ARHGAP26: variants seen among roughly 807,000 people sequenced by gnomAD.
The protein encoded by ARHGAP26 is rho GTPase-activating protein 26.
In ARHGAP26, 38 loss-of-function variants were observed where a neutral mutation model predicts 104.8. The ratio of observed to expected loss-of-function variants is 0.36; its 90% confidence interval spans 0.28 to 0.48. ARHGAP26 has a LOEUF of 0.48. Among genes scored for constraint, ARHGAP26 ranks in the 20% least tolerant of loss-of-function variants. ARHGAP26 has a pLI of 0.99. For synonymous variants in ARHGAP26, 341 were observed against 340.0 expected (o/e 1.00, Z -0.03); for missense variants, 704 against 947.9 (o/e 0.74, Z 3.38).
Position 143,179,159 on chromosome 5 carries a change from G to A in ARHGAP26, c.1989-28039G>A, listed in dbSNP as rs184186662. On this transcript the variant is annotated intron_variant, in intron 20 of 22. Transcript: ENST00000645722. ...GTTGGGATTACAGGCGTGAGCCACC[G>A]CGCCCAGCCATTTATCATGTATCAT... Among the ~76,000 whole-genome samples, 64 of 152,138 alleles carry A rather than the reference G, an allele frequency of 4.2e-4. 1 individual carries two copies. In the East Asian group the frequency reaches 9.1e-3, roughly 22 times the overall value.
chr5:142,893,682 C>T (rs1035307483), intron 5 of ARHGAP26, among the ~76,000 whole-genome samples: 2 of 152,222 alleles, frequency 1.3e-5, no homozygotes, highest in Non-Finnish European at 2.9e-5. Flanking sequence ...ATACTGTTCT[C>T]CATAATAGTT....
chr5:142,824,617 A>G (rs1359023421), intron 1 of ARHGAP26, among the ~76,000 whole-genome samples: 2 of 152,192 alleles, frequency 1.3e-5, no homozygotes, highest in African/African-American at 4.8e-5. Context: ...GGTTGATTAC[A>G]CAGCCAGCAA....
At chr5:142,970,747 TGG>T in intron 11 of ARHGAP26, among the ~76,000 whole-genome samples, 1 of 152,132 alleles carries the variant, frequency 6.6e-6, no homozygotes, top group East Asian at 1.9e-4. Flanking sequence ...GGAATGGATG[TGG>T]GGCAAGTAGA....
Position 142,830,357 on chromosome 5 carries a change from A to G in ARHGAP26, c.155-43043A>G, listed in dbSNP as rs919082781. ...CTAATTAGTGCAATTGAGAGTGACT[A>G]TGGCAATGATTAAAAATTATTTTGT... On this transcript the variant is annotated intron_variant, in intron 1 of 22. Coordinates refer to ENST00000645722, the MANE Select transcript of ARHGAP26 (RefSeq NM_001135608.3). Among the ~76,000 whole-genome samples, 25 of 152,294 alleles carry G rather than the reference A, an allele frequency of 1.6e-4. 1 individual carries two copies. Among genetic ancestry groups the G allele is most frequent in the Admixed American group, 1.0e-3 (16 of 15,300 alleles).
chr5:143,222,181 T>C (rs1811255232), intron 22 of ARHGAP26, among the ~76,000 whole-genome samples, 177 bp from the exon 23 acceptor site: 1 of 152,158 alleles, frequency 6.6e-6, no homozygotes, highest in Admixed American at 6.5e-5. Flanking sequence ...TCAGAACCTT[T>C]GGTTTAAACT....
At chr5:142,950,221 C>T (rs12374576) in intron 11 of ARHGAP26, among the ~76,000 whole-genome samples, 1 of 152,026 alleles carries the variant, frequency 6.6e-6, no homozygotes, top group Admixed American at 6.6e-5. Flanking sequence ...AGGGGCAGGA[C>T]AGGCAGAAAG....
intron 22 of ARHGAP26, among the ~76,000 whole-genome samples, chr5:143,221,528 G>A (rs371980471): frequency 1.3e-4 from 20 of 151,788 alleles, no homozygotes; most frequent in African/African-American, 4.1e-4. Flanking sequence ...TGGATTGATT[G>A]ATTGAGACAG....
At chr5:142,915,974 T>A (rs544476233) in intron 10 of ARHGAP26, among the ~76,000 whole-genome samples, 2 of 152,302 alleles carry the variant, frequency 1.3e-5, no homozygotes, top group African/African-American at 2.4e-5. Flanking sequence ...TGCTGCTAGA[T>A]GCCCTGCTGT....
At chr5:142,891,447 G>A (rs1302248903) in intron 5 of ARHGAP26, among the ~76,000 whole-genome samples, 1 of 151,872 alleles carries the variant, frequency 6.6e-6, no homozygotes, top group Non-Finnish European at 1.5e-5. Context: ...ATATTCTTTC[G>A]GGGTGTTTTA....
intron 1 of ARHGAP26, among the ~76,000 whole-genome samples, chr5:142,776,508 A>T (rs1255014417): frequency 6.6e-6 from 1 of 152,226 alleles, no homozygotes; most frequent in Non-Finnish European, 1.5e-5. Flanking sequence ...ATGTAGTCTT[A>T]TGCATCTGGC....
At chr5:142,980,285 T>C (rs181003360) in intron 11 of ARHGAP26, among the ~76,000 whole-genome samples, 6 of 152,334 alleles carry the variant, frequency 3.9e-5, no homozygotes, top group Middle Eastern at 3.4e-3. Context: ...TCACTAATTA[T>C]TCATTCTTCG....
At chr5:143,051,734 A>G (rs920454971) in intron 14 of ARHGAP26, among the ~76,000 whole-genome samples, 1 of 152,198 alleles carries the variant, frequency 6.6e-6, no homozygotes, top group African/African-American at 2.4e-5. Flanking sequence ...CTCCTCTCTA[A>G]TGTTACGCAA....
chr5:142,891,824 A>G (rs1758703151), intron 5 of ARHGAP26, among the ~76,000 whole-genome samples: 1 of 151,974 alleles, frequency 6.6e-6, no homozygotes, highest in Non-Finnish European at 1.5e-5. Flanking sequence ...TTAAAAATAT[A>G]TATTCACTTT....
intron 1 of ARHGAP26, among the ~76,000 whole-genome samples, chr5:142,848,240 A>G (rs896785794): frequency 6.6e-6 from 1 of 152,150 alleles, no homozygotes; most frequent in Admixed American, 6.5e-5. Context: ...TCTAGACACT[A>G]GTTTTGGTTT....
intron 20 of ARHGAP26, among the ~76,000 whole-genome samples, chr5:143,183,738 C>T (rs1804741899): frequency 1.3e-5 from 2 of 152,166 alleles, no homozygotes; most frequent in Non-Finnish European, 1.5e-5. Flanking sequence ...CTTCCTCCAC[C>T]AACTCCTTAG....
intron 17 of ARHGAP26, among the ~76,000 whole-genome samples, chr5:143,085,044 CAAAAAA>C (rs56852430): frequency 0.14 from 8,813 of 61,458 alleles, 505 homozygotes; most frequent in East Asian, 0.3. Context: ...GACTCCATCT[CAAAAAA>C]AAAAAAAAAA....
At chr5:142,810,610 A>G (rs1205428064) in intron 1 of ARHGAP26, among the ~76,000 whole-genome samples, 2 of 152,184 alleles carry the variant, frequency 1.3e-5, no homozygotes, top group Non-Finnish European at 2.9e-5. Context: ...GGCAAGTTGC[A>G]GGGATGGGGA....
At chr5:142,967,280 A>G (rs1287749714) in intron 11 of ARHGAP26, among the ~76,000 whole-genome samples, 2 of 152,188 alleles carry the variant, frequency 1.3e-5, no homozygotes. Context: ...GAAGTCAGAT[A>G]TATGTAAATC....
At chr5:142,982,996 G>A (rs187666909) in intron 11 of ARHGAP26, among the ~76,000 whole-genome samples, 53 of 152,254 alleles carry the variant, frequency 3.5e-4, no homozygotes, top group Non-Finnish European at 6.9e-4. Flanking sequence ...GTTATTTCGT[G>A]CAGGTGACCT....
Sources: gnomAD v4.1 joint callset for allele counts (sites outside exome capture counted in the v4.1 genomes callset) on GRCh38, gnomAD v4.1.1 for gene constraint, MANE v1.5 for transcripts, NCBI Gene and HGNC (gene_info 2026-07-23, HGNC 2026-07-21) for gene names.